The following MALRD1 variants were observed in gnomAD, a reference collection of about 807,000 sequenced individuals.
MALRD1 encodes MAM and LDL-receptor class A domain-containing protein 1.
A neutral mutation model predicts 242.1 loss-of-function variants in MALRD1; 247 were observed. The observed-to-expected ratio is 1.02, with a 90% CI of 0.92 to 1.13. The LOEUF (loss-of-function observed/expected upper bound fraction) is 1.13. MALRD1 is among the 50% of genes most tolerant of loss of function. The pLI, the probability that MALRD1 is intolerant of heterozygous loss-of-function variation, is 0.00. For missense variants in MALRD1, 2,989 were observed against 2,533.1 expected (o/e 1.18, Z -3.86); for synonymous variants, 995 against 866.6 (o/e 1.15, Z -2.60).
intron 36 of MALRD1, among the ~76,000 whole-genome samples, chr10:19,651,007 A>C (rs573214089): frequency 1.3e-5 from 2 of 152,172 alleles, no homozygotes; most frequent in African/African-American, 4.8e-5. Context: ...TCTCCCCACT[A>C]TCTCTAGAAT....
intron 28 of MALRD1, among the ~76,000 whole-genome samples, chr10:19,442,095 A>G (rs547900011): frequency 1.3e-5 from 2 of 152,162 alleles, no homozygotes; most frequent in Non-Finnish European, 2.9e-5. Flanking sequence ...CTTTGAAGCA[A>G]TTGTGAATGG....
intron 36 of MALRD1, among the ~76,000 whole-genome samples, chr10:19,630,630 T>G (rs554924761): frequency 6.6e-6 from 1 of 152,252 alleles, no homozygotes; most frequent in East Asian, 1.9e-4. Flanking sequence ...AAAAATGATA[T>G]TATAAGAATT....
At chr10:19,152,854 T>C (rs1371537219) in intron 11 of MALRD1, among the ~76,000 whole-genome samples, 1 of 152,146 alleles carries the variant, frequency 6.6e-6, no homozygotes, top group Non-Finnish European at 1.5e-5. Flanking sequence ...TTTAAGATAA[T>C]ATTAGTCTAA....
chr10:19,714,855 C>T (rs1834310140), intron 38 of MALRD1, among the ~76,000 whole-genome samples: 1 of 152,132 alleles, frequency 6.6e-6, no homozygotes, highest in Non-Finnish European at 1.5e-5. Flanking sequence ...AGCTTGTGAC[C>T]TTTCCAAATT....
intron 24 of MALRD1, among the ~76,000 whole-genome samples, 169 bp downstream of exon 24, chr10:19,331,751 A>T (rs1843382765): frequency 6.6e-6 from 1 of 152,158 alleles, no homozygotes; most frequent in Non-Finnish European, 1.5e-5. Context: ...TTCATTTATA[A>T]TCATAATTCA....
intron 5 of MALRD1, among the ~76,000 whole-genome samples, chr10:19,107,708 C>A (rs923138716): frequency 6.7e-6 from 1 of 149,868 alleles, no homozygotes; most frequent in Non-Finnish European, 1.5e-5. Flanking sequence ...AAATTTGTTT[C>A]TTTCTTCTCT....
chr10:19,235,578 C>CAGAGATAG (rs1838278147), intron 18 of MALRD1, among the ~76,000 whole-genome samples: 1 of 132,396 alleles, frequency 7.6e-6, no homozygotes, highest in African/African-American at 2.9e-5. Context: ...CCCACACCCA[C>CAGAGATAG]AGAGAGAGAG....
intron 21 of MALRD1, among the ~76,000 whole-genome samples, chr10:19,302,235 T>C (rs1211573884): frequency 1.3e-5 from 2 of 151,786 alleles, no homozygotes; most frequent in Non-Finnish European, 2.9e-5. Flanking sequence ...CAGAATTATA[T>C]GACTCAGCAG....
At chr10:19,233,659 T>C (rs1838178316) in intron 18 of MALRD1, among the ~76,000 whole-genome samples, 2 of 152,176 alleles carry the variant, frequency 1.3e-5, no homozygotes, top group South Asian at 2.1e-4. Flanking sequence ...ATTTCTAGCA[T>C]GTGTTAAGGT....
chr10:19,709,270 A>G (rs1834003902), intron 38 of MALRD1, among the ~76,000 whole-genome samples: 1 of 133,306 alleles, frequency 7.5e-6, no homozygotes, highest in Non-Finnish European at 1.6e-5. Flanking sequence ...AAAAAAAAAT[A>G]CAAAAATTAG....
At chr10:19,695,666 C>T (rs1469697464) in intron 38 of MALRD1, among the ~76,000 whole-genome samples, 1 of 151,850 alleles carries the variant, frequency 6.6e-6, no homozygotes, top group Non-Finnish European at 1.5e-5. Context: ...ATTACAGGTA[C>T]CTGCCACCAT....
intron 28 of MALRD1, among the ~76,000 whole-genome samples, chr10:19,399,040 A>T (rs1240950159): frequency 6.6e-6 from 1 of 152,192 alleles, no homozygotes; most frequent in Non-Finnish European, 1.5e-5. Flanking sequence ...TTCAAATGTC[A>T]TAAGTAGTCA....
At chr10:19,375,460 G>T (rs1271070886) in intron 26 of MALRD1, among the ~76,000 whole-genome samples, 1 of 151,942 alleles carries the variant, frequency 6.6e-6, no homozygotes, top group Non-Finnish European at 1.5e-5. Flanking sequence ...AATATATTGG[G>T]CTTTAAGGTA....
chr10:19,393,573 G>A (rs1250817409), intron 28 of MALRD1, among the ~76,000 whole-genome samples: 3 of 148,260 alleles, frequency 2.0e-5, no homozygotes, highest in Non-Finnish European at 4.4e-5. Context: ...AGCCTCCCAA[G>A]TAGCTGGGAC....
At chr10:19,664,126 C>A (rs949252968) in intron 36 of MALRD1, among the ~76,000 whole-genome samples, 5 of 151,778 alleles carry the variant, frequency 3.3e-5, no homozygotes, top group African/African-American at 7.3e-5. Context: ...CATATTTTTT[C>A]CAGGGTTTTT....
rs1449730828 is a variant in MALRD1 at position 19,389,477 on chromosome 10, T to C, written c.4713T>C (p.Thr1571=). 3 of 1,550,612 alleles carry C rather than the reference T, an allele frequency of 1.9e-6. No homozygotes were observed. The highest frequency in any genetic ancestry group is 1.7e-6 in the Non-Finnish European group (2 of 1,146,956). ...ENGHFMYLEA[T]AVGLRGDKAH... is the part of the protein sequence containing the mutation. ...GGCACTTCATGTATCTGGAAGCTACTGCAGTGGGCCTTCGGGGTGACAAAG... is the reference window on the plus strand; with the variant it reads ...GGCACTTCATGTATCTGGAAGCTACCGCAGTGGGCCTTCGGGGTGACAAAG... The change falls in exon 28 of 40, where the codon ACT becomes ACC. Residue 1571 remains threonine, a synonymous_variant. Coordinates refer to ENST00000454679, the MANE Select transcript of MALRD1 (RefSeq NM_001142308.3).
intron 18 of MALRD1, among the ~76,000 whole-genome samples, chr10:19,237,770 A>C (rs111208129): frequency 0.035 from 4,181 of 119,666 alleles, 218 homozygotes; most frequent in East Asian, 0.18. Context: ...ATTATATATA[A>C]AAACATAATT....
chr10:19,150,912 G>A (rs1350257280), intron 11 of MALRD1, among the ~76,000 whole-genome samples: 1 of 152,050 alleles, frequency 6.6e-6, no homozygotes, highest in Non-Finnish European at 1.5e-5. Context: ...ATTTCCTCCT[G>A]TAGGATACTT....
chr10:19,099,751 A>G (rs1836179902), intron 4 of MALRD1, among the ~76,000 whole-genome samples: 1 of 97,048 alleles, frequency 1.0e-5, no homozygotes, highest in Non-Finnish European at 2.0e-5. Flanking sequence ...CATAGAACCT[A>G]TATATATATA....
Sources: gnomAD v4.1 joint callset for allele counts (sites outside exome capture counted in the v4.1 genomes callset) on GRCh38, gnomAD v4.1.1 for gene constraint, MANE v1.5 for transcripts, NCBI Gene and HGNC (gene_info 2026-07-23, HGNC 2026-07-21) for gene names.